The following AGAP1 variants were observed in gnomAD, a reference collection of about 807,000 sequenced individuals.
AGAP1 encodes arf-GAP with GTPase, ANK repeat and PH domain-containing protein 1.
Under a neutral mutation model 105.3 loss-of-function variants are expected in AGAP1, and 29 were observed. The observed-to-expected ratio is 0.28, with a 90% CI of 0.21 to 0.38. The LOEUF (loss-of-function observed/expected upper bound fraction) is 0.38, where lower values mean the gene tolerates loss of function less well. AGAP1 is among the 10% of genes least tolerant of loss of function. AGAP1 has a pLI of 1.00. For synonymous variants in AGAP1, 509 were observed against 485.9 expected, an observed-to-expected ratio of 1.05 and a Z score of -0.63; for missense variants, 998 against 1,165.1, an observed-to-expected ratio of 0.86 and a Z score of 2.09.
chr2:235,646,514 C>T (rs948546702), intron 1 of AGAP1, among the ~76,000 whole-genome samples: 1 of 152,152 alleles, frequency 6.6e-6, no homozygotes, highest in Admixed American at 6.5e-5. Context: ...CCTTGTGAAG[C>T]CTCCTCTCCA....
chr2:235,661,234 G>A (rs1034820157), intron 1 of AGAP1, among the ~76,000 whole-genome samples: 9 of 152,228 alleles, frequency 5.9e-5, no homozygotes, highest in East Asian at 3.9e-4. Flanking sequence ...ATTGGCAGGC[G>A]GAGGAGAGGC....
In AGAP1 at chr2:235,520,043, A is replaced by G. The variant is rs143402516; in HGVS notation, c.163+25194A>G. On this transcript the variant is annotated intron_variant, in intron 1 of 17. Transcript: ENST00000304032. ...GTGATTCGCCTGCCTCGGCCTCCCAATGTGCTGGGATTATAGGCATGAGCC... is the reference window on the plus strand; with the variant it reads ...GTGATTCGCCTGCCTCGGCCTCCCAGTGTGCTGGGATTATAGGCATGAGCC... Among the ~76,000 whole-genome samples the G allele has an allele frequency of 2.4e-3, 361 of 152,270 alleles. 1 individual carries two copies. The highest frequency in any genetic ancestry group is 6.8e-3 in the Middle Eastern group (2 of 294).
chr2:235,923,669 C>T (rs889866900), intron 11 of AGAP1, among the ~76,000 whole-genome samples: 12 of 152,162 alleles, frequency 7.9e-5, no homozygotes, highest in African/African-American at 1.2e-4. Context: ...AGTTGTGGCC[C>T]GTGTCAGTAG....
chr2:235,935,194 A>G (rs535335053), intron 12 of AGAP1, among the ~76,000 whole-genome samples: 1 of 152,344 alleles, frequency 6.6e-6, no homozygotes, highest in Admixed American at 6.5e-5. Flanking sequence ...TGGCGTTGCT[A>G]ACATGAGACC....
At chr2:235,781,313 C>T (rs192271814) in intron 6 of AGAP1, among the ~76,000 whole-genome samples, 15 of 152,210 alleles carry the variant, frequency 9.9e-5, no homozygotes, top group Admixed American at 9.8e-4. Flanking sequence ...TCCAGGGGTT[C>T]GACATTCATA....
chr2:235,692,765 C>T lies in AGAP1; in HGVS notation c.164-16414C>T, dbSNP rs760992588. ...CCTGCATGGCATTTGTTACAGCCCG[C>T]AGTCACAGGTCTTGCGGTGGACTTG... is the stretch of plus-strand genomic sequence containing the variant. On this transcript the variant is annotated intron_variant, in intron 1 of 17. Coordinates refer to ENST00000304032, the MANE Select transcript of AGAP1 (RefSeq NM_001037131.3). This position sits in a 1 kb window ranked among gnomAD's most constrained non-coding sequence, Gnocchi z 5.8. Among the ~76,000 whole-genome samples the T allele has an allele frequency of 1.3e-5, 2 of 152,222 alleles. No individual in the cohort carries two copies. Among genetic ancestry groups the T allele is most frequent in the Non-Finnish European group, 2.9e-5 (2 of 68,046 alleles).
In AGAP1 at chr2:236,050,386, G is replaced by A. The variant is rs1277056354; in HGVS notation, c.2114+1105G>A. Among the ~76,000 whole-genome samples the A allele has an allele frequency of 1.3e-5, 2 of 152,206 alleles. No individual in the cohort carries two copies. Among genetic ancestry groups the A allele is most frequent in the African/African-American group, 4.8e-5 (2 of 41,460 alleles). On this transcript the variant is annotated intron_variant, in intron 16 of 17. Transcript: ENST00000304032. The surrounding 1 kb of genome is among the most constrained non-coding windows in gnomAD (Gnocchi z 4.0). The stretch of plus-strand genomic sequence containing the variant: ...TTTGGTAGTGGGGAGGACAGGAAAG[G>A]TGCAAAGAACATATTTGTTTAAAAT...
chr2:235,851,879 A>G (rs531869968), intron 9 of AGAP1, among the ~76,000 whole-genome samples: 1 of 152,324 alleles, frequency 6.6e-6, no homozygotes, highest in African/African-American at 2.4e-5. Context: ...TTTGGCGACA[A>G]GCAGTAAGGA....
In AGAP1 at chr2:235,725,352, T is replaced by C. The variant is rs772338097; in HGVS notation, c.310+7708T>C. On this transcript the variant is annotated intron_variant, in intron 3 of 17. Transcript: ENST00000304032. The surrounding 1 kb of genome is among the most constrained non-coding windows in gnomAD (Gnocchi z 5.7). ...AAAACGTGGTAAACACCCAGTCTTATTTTCTGGGACACATGAAGTGTGTTT... is the reference window on the plus strand; with the variant it reads ...AAAACGTGGTAAACACCCAGTCTTACTTTCTGGGACACATGAAGTGTGTTT... 1.3e-5 allele frequency among the ~76,000 whole-genome samples: 2 copies of C among 152,182 alleles called. No homozygotes were observed. Among genetic ancestry groups the C allele is most frequent in the Admixed American group, 6.5e-5 (1 of 15,276 alleles).
intron 16 of AGAP1, among the ~76,000 whole-genome samples, chr2:236,111,789 C>CAA (rs3030776): frequency 4.2e-5 from 5 of 120,294 alleles, no homozygotes; most frequent in Non-Finnish European, 7.4e-5. Context: ...GACTCTATCT[C>CAA]AAAAAAAAAA....
intron 2 of AGAP1, among the ~76,000 whole-genome samples, chr2:235,709,602 A>C (rs3820781): frequency 0.22 from 33,087 of 151,086 alleles, 4,232 homozygotes; most frequent in East Asian, 0.44. Flanking sequence ...ACACACACAC[A>C]CCCCCATGGA....
chr2:235,672,517 A>G (rs955675485), intron 1 of AGAP1, among the ~76,000 whole-genome samples: 3 of 152,218 alleles, frequency 2.0e-5, no homozygotes, highest in Non-Finnish European at 2.9e-5. Context: ...CCATTATCCC[A>G]TCCCTTCATG....
Position 236,121,511 on chromosome 2 carries a change from G to A in AGAP1, c.2370+1064G>A, listed in dbSNP as rs1489855677. Among the ~76,000 whole-genome samples, 1 of 152,064 alleles carries A rather than the reference G, an allele frequency of 6.6e-6. No individual in the cohort carries two copies. The highest frequency in any genetic ancestry group is 2.4e-5 in the African/African-American group (1 of 41,406). The stretch of plus-strand genomic sequence containing the variant: ...AGACGGGGCTTCACCATGTTGGTCA[G>A]TCTGGTCTCGAGCTCCTGACCTCGT... On this transcript the variant is annotated intron_variant, in intron 17 of 17. Coordinates refer to ENST00000304032, the MANE Select transcript of AGAP1 (RefSeq NM_001037131.3). The surrounding 1 kb of genome is among the most constrained non-coding windows in gnomAD (Gnocchi z 4.9).
intron 12 of AGAP1, among the ~76,000 whole-genome samples, chr2:235,949,048 G>T (rs1309224669): frequency 6.6e-6 from 1 of 152,206 alleles, no homozygotes; most frequent in Non-Finnish European, 1.5e-5. Flanking sequence ...CACCTGCCTA[G>T]ATGGGGAGCA....
chr2:235,527,433 C>T (rs900553419), intron 1 of AGAP1, among the ~76,000 whole-genome samples: 23 of 152,290 alleles, frequency 1.5e-4, no homozygotes, highest in African/African-American at 3.8e-4. Context: ...TGCAGTGGCA[C>T]GATCATGGCT....
chr2:235,853,149 A>G (rs1348420493), intron 9 of AGAP1: 8 of 1,152,246 alleles, frequency 6.9e-6, no homozygotes, highest in Non-Finnish European at 8.5e-6. Flanking sequence ...GGCGCTTTGC[A>G]TGTTTTGGGT....
At chr2:235,667,744 A>C (rs1008404960) in intron 1 of AGAP1, among the ~76,000 whole-genome samples, 5 of 152,044 alleles carry the variant, frequency 3.3e-5, no homozygotes, top group African/African-American at 1.2e-4. Flanking sequence ...GCAGATCATG[A>C]GGTCAGGAGT....
chr2:235,507,430 T>G (rs1403191082), intron 1 of AGAP1: 1 of 152,298 alleles, frequency 6.6e-6, no homozygotes, highest in Non-Finnish European at 1.5e-5. Context: ...CGGTTTTGCC[T>G]TGTAAGTGAC....
At position 235,931,054 on chromosome 2, in the gene AGAP1, A is replaced by G; in HGVS notation, c.1483+131A>G. ...CAGCACCCTGTGGGGCGGCTGCATC[A>G]GAGACTCACATCTTGCCTTTCATCT... On this transcript the variant is annotated intron_variant, in intron 12 of 17. Transcript: ENST00000304032. The surrounding 1 kb of genome is among the most constrained non-coding windows in gnomAD (Gnocchi z 5.6). 9.8e-7 allele frequency: 1 copy of G among 1,020,724 alleles called. No individual in the cohort carries two copies. Among genetic ancestry groups the G allele is most frequent in the Non-Finnish European group, 1.4e-6 (1 of 727,472 alleles). 63.2% of individuals were successfully genotyped at this position (1,020,724 alleles called of 1,614,324 possible). A position where few individuals can be genotyped will look rare whatever the true frequency, so the allele number is the denominator to read the frequency against.
Sources: gnomAD v4.1 joint callset for allele counts (sites outside exome capture counted in the v4.1 genomes callset) on GRCh38, gnomAD v4.1.1 for gene constraint, Gnocchi (gnomAD v3.1) non-coding constraint, MANE v1.5 for transcripts, NCBI Gene and HGNC (gene_info 2026-07-23, HGNC 2026-07-21) for gene names.